The following LITAF variants were observed in gnomAD, a reference collection of about 807,000 sequenced individuals.
The protein encoded by LITAF is lipopolysaccharide-induced tumor necrosis factor-alpha factor.
Under a neutral mutation model 14.5 loss-of-function variants are expected in LITAF, and 9 were observed. That is an observed-to-expected ratio of 0.62 (90% CI 0.37 to 1.08). The LOEUF is 1.08. Ranked by LOEUF, LITAF falls within the 50% of genes least tolerant of loss-of-function variation. LITAF has a pLI of 0.01. For missense variants in LITAF, 206 were observed against 213.4 expected, an observed-to-expected ratio of 0.97 and a Z score of 0.22; for synonymous variants, 98 against 88.2, an observed-to-expected ratio of 1.11 and a Z score of -0.62.
rs538286688 is a variant in LITAF at position 11,554,511 on chromosome 16, G to A, written c.221-822C>T. Among the ~76,000 whole-genome samples, 298 of 152,204 alleles carry A rather than the reference G, an allele frequency of 2.0e-3. 2 individuals are homozygous for A. The highest frequency in any genetic ancestry group is 2.5e-3 in the South Asian group (12 of 4,828). On this transcript the variant is annotated intron_variant, in intron 2 of 3. Coordinates refer to ENST00000622633, the MANE Select transcript of LITAF (RefSeq NM_001136472.2). ...TCAGAAGAGAATCCAGGCCGGGCAC[G>A]GTGGCTCACACCTGTAATCCCAGCA...
intron 1 of LITAF, among the ~76,000 whole-genome samples, chr16:11,595,193 T>G (rs1404944352): frequency 6.6e-6 from 1 of 152,172 alleles, no homozygotes; most frequent in East Asian, 1.9e-4. Context: ...ACACGCTTTA[T>G]CCTCAAAAAA....
At chr16:11,618,498 T>A (rs190265959) in intron 3 of LITAF, among the ~76,000 whole-genome samples, 32 of 152,354 alleles carry the variant, frequency 2.1e-4, no homozygotes, top group Non-Finnish European at 4.4e-5. Flanking sequence ...ATTGAATTGC[T>A]GGCCATGCAG....
In LITAF at chr16:11,553,857, A is replaced by G. The variant is rs897573619; in HGVS notation, c.221-168T>C. Reference sequence around the variant, plus strand: ...GCTATCTATGAGAGCCAAAAGGGGAAGGAACACCAGTGTCCATCGACGGAC... The same window carrying G: ...GCTATCTATGAGAGCCAAAAGGGGAGGGAACACCAGTGTCCATCGACGGAC... On this transcript the variant is annotated intron_variant, in intron 2 of 3. Coordinates refer to ENST00000622633, the MANE Select transcript of LITAF (RefSeq NM_001136472.2). This position sits in a 1 kb window ranked among gnomAD's most constrained non-coding sequence, Gnocchi z 7.7. The G allele has an allele frequency of 1.4e-6, 1 of 700,944 alleles. No homozygotes were observed. The highest frequency in any genetic ancestry group is 2.4e-6 in the Non-Finnish European group (1 of 408,286). The allele number at this position is 700,944 out of a possible 1,614,324, so 43.4% of individuals were successfully genotyped here.
chr16:11,569,442 A>G (rs1339487350), intron 1 of LITAF, among the ~76,000 whole-genome samples: 3 of 151,920 alleles, frequency 2.0e-5, no homozygotes, highest in Non-Finnish European at 4.4e-5. Context: ...AGGTCTCGCC[A>G]TGTTGCCCAG....
chr16:11,553,835 A>C lies in LITAF; in HGVS notation c.221-146T>G. ...CATAGCATGCGTTCATCGTCTGGCT[A>C]TCTATGAGAGCCAAAAGGGGAAGGA... On this transcript the variant is annotated intron_variant, in intron 2 of 3. Transcript: ENST00000622633. This position sits in a 1 kb window ranked among gnomAD's most constrained non-coding sequence, Gnocchi z 7.7. 5 of 905,464 alleles carry C rather than the reference A, an allele frequency of 5.5e-6. No homozygotes were observed. The highest frequency in any genetic ancestry group is 8.5e-6 in the Non-Finnish European group (5 of 584,970). The allele number at this position is 905,464 out of a possible 1,614,324, so 56.1% of individuals were successfully genotyped here. A position where few individuals can be genotyped will look rare whatever the true frequency, so the allele number is the denominator to read the frequency against.
intron 1 of LITAF, among the ~76,000 whole-genome samples, chr16:11,567,812 C>A (rs1597343928): frequency 6.6e-6 from 1 of 152,080 alleles, no homozygotes; most frequent in South Asian, 2.1e-4. Context: ...TGGTGAAACC[C>A]GGCTCTAATA....
intron 1 of LITAF, among the ~76,000 whole-genome samples, chr16:11,579,313 C>A (rs1305332071): frequency 6.9e-6 from 1 of 145,406 alleles, no homozygotes; most frequent in African/African-American, 2.6e-5. Flanking sequence ...TAGCCGGGCG[C>A]GGTGGCGGGC....
intron 1 of LITAF, among the ~76,000 whole-genome samples, chr16:11,576,652 G>A (rs2064641638): frequency 6.6e-6 from 1 of 151,728 alleles, no homozygotes; most frequent in Non-Finnish European, 1.5e-5. Flanking sequence ...TCCAACATGG[G>A]GCTGATGGCG....
At chr16:11,633,166 G>A (rs919952558) in intron 3 of LITAF, among the ~76,000 whole-genome samples, 14 of 152,144 alleles carry the variant, frequency 9.2e-5, no homozygotes, top group African/African-American at 3.4e-4. Flanking sequence ...ATTCCCAGGG[G>A]TGCACCCATC....
intron 1 of LITAF, among the ~76,000 whole-genome samples, chr16:11,576,651 G>C (rs2064641599): frequency 1.3e-5 from 2 of 151,728 alleles, no homozygotes; most frequent in Non-Finnish European, 2.9e-5. Context: ...GTCCAACATG[G>C]GGCTGATGGC....
At chr16:11,567,997 G>C (rs1191022747) in intron 1 of LITAF, among the ~76,000 whole-genome samples, 1 of 149,612 alleles carries the variant, frequency 6.7e-6, no homozygotes, top group Admixed American at 6.7e-5. Context: ...AAATAAAGAC[G>C]GTAGTTCCAG....
rs536368528 is a variant in LITAF at position 11,576,622 on chromosome 16, C to T, written c.-6+10264G>A. ...TTGTGTCCACATCTGTGGTTCTACA[C>T]GGTCCCAGGCTGCCAACAGTCCAAC... is the stretch of plus-strand genomic sequence containing the variant. On this transcript the variant is annotated intron_variant, in intron 1 of 3. Transcript: ENST00000622633. 4.7e-5 allele frequency among the ~76,000 whole-genome samples: 7 copies of T among 148,986 alleles called. No homozygotes were observed. In the South Asian group the frequency reaches 8.6e-4, roughly 18 times the overall value.
intron 1 of LITAF, among the ~76,000 whole-genome samples, chr16:11,593,081 G>A (rs1025903431): frequency 1.3e-5 from 2 of 152,180 alleles, no homozygotes; most frequent in Non-Finnish European, 2.9e-5. Context: ...TGAGGTAGGA[G>A]AATGGCATGA....
At chr16:11,561,344 G>A (rs1403099480) in intron 1 of LITAF, 1 of 152,208 alleles carries the variant, frequency 6.6e-6, no homozygotes, top group African/African-American at 2.4e-5. Flanking sequence ...TCTTTACAGA[G>A]TCAACACACA....
intron 3 of LITAF, among the ~76,000 whole-genome samples, chr16:11,609,073 G>C (rs1184428035): frequency 6.6e-6 from 1 of 152,186 alleles, no homozygotes; most frequent in East Asian, 1.9e-4. Flanking sequence ...ATGGTTTTAG[G>C]GCTGGGGGAA....
upstream of LITAF, among the ~76,000 whole-genome samples, chr16:11,587,767 G>A (rs973220407): frequency 1.3e-5 from 2 of 152,192 alleles, no homozygotes; most frequent in South Asian, 2.1e-4. Context: ...GATAACAGCA[G>A]CAGCCTGGAT....
chr16:11,608,491 T>C (rs1002304318), intron 3 of LITAF, among the ~76,000 whole-genome samples: 1 of 152,230 alleles, frequency 6.6e-6, no homozygotes, highest in Non-Finnish European at 1.5e-5. Context: ...CATAGGAAAC[T>C]GTACACAAAT....
At chr16:11,639,634 A>T (rs1281651587), upstream of LITAF, among the ~76,000 whole-genome samples, 1 of 152,312 alleles carries the variant, frequency 6.6e-6, no homozygotes, top group East Asian at 1.9e-4. Flanking sequence ...AAAAAAAAGA[A>T]AAAAGAATGA....
At chr16:11,581,445 G>A (rs933430963) in intron 1 of LITAF, among the ~76,000 whole-genome samples, 1 of 152,134 alleles carries the variant, frequency 6.6e-6, no homozygotes, top group African/African-American at 2.4e-5. Context: ...CCAAGAGTTT[G>A]AGACCAGCCT....
Sources: allele counts gnomAD v4.1 joint callset (sites outside exome capture counted in the v4.1 genomes callset), GRCh38; gene constraint gnomAD v4.1.1; non-coding constraint Gnocchi (gnomAD v3.1); transcripts MANE v1.5; gene names NCBI Gene and HGNC (gene_info 2026-07-23, HGNC 2026-07-21).